The following FASTKD2 variants were observed in gnomAD, a reference collection of about 807,000 sequenced individuals.
FASTKD2 encodes FAST kinase domain-containing protein 2, mitochondrial.
In FASTKD2, 51 loss-of-function variants were observed where a neutral mutation model predicts 63.6. The ratio of observed to expected loss-of-function variants is 0.80; its 90% CI spans 0.64 to 1.01. FASTKD2 has a LOEUF of 1.01. Ranked by LOEUF, FASTKD2 falls within the 50% of genes least tolerant of loss-of-function variation. FASTKD2 has a pLI of 0.00. For missense variants in FASTKD2, 786 were observed against 831.1 expected, an observed-to-expected ratio of 0.95 and a Z score of 0.67; for synonymous variants, 284 against 293.4, an observed-to-expected ratio of 0.97 and a Z score of 0.33.
intron 11 of FASTKD2, 55 bp from the exon 12 acceptor site, chr2:206,791,628 G>A (rs1379746571): frequency 6.4e-7 from 1 of 1,564,096 alleles, no homozygotes; most frequent in Non-Finnish European, 8.8e-7. Flanking sequence ...CTCTAAACTA[G>A]CTCTTTTGTT....
intron 7 of FASTKD2, among the ~76,000 whole-genome samples, chr2:206,782,046 A>G (rs753893762): frequency 5.3e-5 from 8 of 151,934 alleles, no homozygotes; most frequent in Non-Finnish European, 1.2e-4. Context: ...GAAGCTGTCC[A>G]CCCCTTTTCC....
chr2:206,789,801 C>A, intron 10 of FASTKD2: 1 of 152,292 alleles, frequency 6.6e-6, no homozygotes, highest in Non-Finnish European at 1.5e-5. Flanking sequence ...TCTCTCTGAC[C>A]TCATTCCAAG....
chr2:206,788,547 A>G (rs1210596416), intron 9 of FASTKD2, among the ~76,000 whole-genome samples: 1 of 152,034 alleles, frequency 6.6e-6, no homozygotes, highest in Non-Finnish European at 1.5e-5. Flanking sequence ...CAGCCTGACC[A>G]AATGGTAAAA....
In FASTKD2 at chr2:206,766,804, A is replaced by C; in HGVS notation, c.111A>C (p.Thr37=). The change falls in exon 2 of 12, where the codon ACA becomes ACC. Residue 37 remains threonine (T), a synonymous_variant. Coordinates refer to ENST00000402774, the MANE Select transcript of FASTKD2 (RefSeq NM_001136193.2). ...NLRQFSTLVS[T]SRTMRLCCLG... Reference sequence around the variant, plus strand: ...GACAATTCAGTACATTAGTTTCAACAAGCAGAACTATGAGGCTATGTTGTT... The same window carrying C: ...GACAATTCAGTACATTAGTTTCAACCAGCAGAACTATGAGGCTATGTTGTT... 1 of 1,613,224 alleles carries C rather than the reference A, an allele frequency of 6.2e-7. No individual in the cohort carries two copies. The highest frequency in any genetic ancestry group is 8.5e-7 in the Non-Finnish European group (1 of 1,179,470).
intron 7 of FASTKD2, among the ~76,000 whole-genome samples, chr2:206,775,176 G>A (rs1456935431): frequency 6.6e-6 from 1 of 151,902 alleles, no homozygotes; most frequent in African/African-American, 2.4e-5. Context: ...TCCCTATCTT[G>A]GCTATTGCAA....
rs10201220 is a variant in FASTKD2, at chr2:206,772,640, G to A, written c.1254+320G>A. On this transcript the variant is annotated intron_variant, in intron 6 of 11. Coordinates refer to ENST00000402774, the MANE Select transcript of FASTKD2 (RefSeq NM_001136193.2). Reference sequence around the variant, plus strand: ...CTGGGTTAGTGATATGTTGTATGATGCTCTCTTTTCATGCTGAGCAGTGGC... The same window carrying A: ...CTGGGTTAGTGATATGTTGTATGATACTCTCTTTTCATGCTGAGCAGTGGC... Among the ~76,000 whole-genome samples, 151,031 of 152,338 alleles carry A rather than the reference G, an allele frequency of 0.99. 74,883 individuals carry two copies. Among genetic ancestry groups the A allele is most frequent in the East Asian group, 1 (5,180 of 5,180 alleles).
intron 4 of FASTKD2, 135 bp downstream of exon 4, chr2:206,771,425 A>G: frequency 1.5e-6 from 1 of 673,246 alleles, no homozygotes; most frequent in Non-Finnish European, 2.7e-6. Flanking sequence ...GTGAATGAAT[A>G]GAAGTACCCT....
Position 206,766,936 on chromosome 2 carries a change from A to T in FASTKD2, c.243A>T (p.Ala81=). 6.2e-7 allele frequency: 1 copy of T among 1,603,794 alleles called. No homozygotes were observed. Among genetic ancestry groups the T allele is most frequent in the Admixed American group, 1.7e-5 (1 of 58,984 alleles). Residue 81 remains alanine (A), a synonymous_variant, in exon 2 of 12, where the codon GCA becomes GCT. Transcript: ENST00000402774. ...TCATTAGATATCTCTTTCAGGATGC[A>T]TTCATTTTTAAATCAGATGTTGGCT... The part of the protein sequence containing the change: ...TDIIRYLFQD[A]FIFKSDVGFQ...
rs1390288288 is a variant in FASTKD2 at position 206,788,885 on chromosome 2, C to T, written c.1880C>T (p.Ser627Phe). The T allele has an allele frequency of 3.9e-6, 6 of 1,553,574 alleles. No homozygotes were observed. Among genetic ancestry groups the T allele is most frequent in the Admixed American group, 1.7e-5 (1 of 59,940 alleles). ...VLPLSDVDTT[S>F]ATDIQRVAVL... is the part of the protein sequence containing the mutation. Reference sequence around the variant, plus strand: ...CCACTTTCTGATGTGGATACAACTTCTGCTACAGATATTCAAAGGTTGCTT... The same window carrying T: ...CCACTTTCTGATGTGGATACAACTTTTGCTACAGATATTCAAAGGTTGCTT... Residue 627 changes from serine to phenylalanine, a missense_variant, in exon 10 of 12, where the codon TCT becomes TTT. Coordinates refer to ENST00000402774, the MANE Select transcript of FASTKD2 (RefSeq NM_001136193.2).
intron 7 of FASTKD2, among the ~76,000 whole-genome samples, chr2:206,784,761 G>A (rs894096819): frequency 2.0e-5 from 3 of 152,116 alleles, no homozygotes; most frequent in Non-Finnish European, 2.9e-5. Context: ...TGACAAGCTC[G>A]TCCTCCTGTC....
rs1414134353 is a variant in FASTKD2 at position 206,795,421 on chromosome 2, A to G, written c.*3619A>G. On this transcript the variant is annotated 3_prime_UTR_variant, in exon 12 of 12. Transcript: ENST00000402774. ...GCTAATTTTTGTATTTTTAGCAGAA[A>G]CAGGGTTTCACCATGTTAGCCAGGA... 6.6e-6 allele frequency among the ~76,000 whole-genome samples: 1 copy of G among 152,146 alleles called. No homozygotes were observed. Among genetic ancestry groups the G allele is most frequent in the African/African-American group, 2.4e-5 (1 of 41,434 alleles).
rs1690370398 is a variant in FASTKD2 at position 206,793,971 on chromosome 2, C to T, written c.*2169C>T. Among the ~76,000 whole-genome samples the T allele has an allele frequency of 6.6e-6, 1 of 152,154 alleles. No homozygotes were observed. Among genetic ancestry groups the T allele is most frequent in the Non-Finnish European group, 1.5e-5 (1 of 68,040 alleles). On this transcript the variant is annotated 3_prime_UTR_variant, in exon 12 of 12. Transcript: ENST00000402774. ...ATAATGAGGCAAGCACTTGCATAAG[C>T]TGTTGGTAGACTGTAAATTAATACC... is the stretch of plus-strand genomic sequence containing the variant.
chr2:206,779,150 T>G (rs1689901521), intron 7 of FASTKD2, among the ~76,000 whole-genome samples: 1 of 152,234 alleles, frequency 6.6e-6, no homozygotes, highest in African/African-American at 2.4e-5. Context: ...TTTGTCCTTG[T>G]GACAATTTTT....
chr2:206,778,238 G>T (rs746644931), intron 7 of FASTKD2, among the ~76,000 whole-genome samples: 1 of 150,714 alleles, frequency 6.6e-6, no homozygotes, highest in Non-Finnish European at 1.5e-5. Flanking sequence ...GTAAATTTAG[G>T]TTTTTTATTT....
intron 7 of FASTKD2, among the ~76,000 whole-genome samples, chr2:206,778,107 TC>T (rs1689872384): frequency 6.6e-6 from 1 of 152,084 alleles, no homozygotes; most frequent in African/African-American, 2.4e-5. Context: ...ACCCAAGTCT[TC>T]GTTTTGTTGG....
At chr2:206,775,252 T>C (rs1305609971) in intron 7 of FASTKD2, among the ~76,000 whole-genome samples, 1 of 152,022 alleles carries the variant, frequency 6.6e-6, no homozygotes, top group East Asian at 1.9e-4. Flanking sequence ...TTCTTATGAA[T>C]TGAAATATAT....
chr2:206,769,980 G>T (rs1689624645), intron 2 of FASTKD2, 111 bp from the exon 3 acceptor site: 1 of 744,902 alleles, frequency 1.3e-6, no homozygotes, highest in South Asian at 1.4e-5. Context: ...GGAATTGTTG[G>T]TTTGATACTC....
intron 10 of FASTKD2, chr2:206,790,168 A>T (rs1690244408): frequency 6.3e-6 from 1 of 158,182 alleles, no homozygotes; most frequent in Non-Finnish European, 1.4e-5. Flanking sequence ...TTTCTCTGGG[A>T]GATGATATGT....
chr2:206,771,814 G>T, intron 4 of FASTKD2, 80 bp from the exon 5 acceptor site: 3 of 1,165,540 alleles, frequency 2.6e-6, no homozygotes, highest in South Asian at 2.6e-5. Flanking sequence ...GACAGCACAA[G>T]ACCCTGTCTC....
Sources: gnomAD v4.1 joint callset for allele counts (sites outside exome capture counted in the v4.1 genomes callset) on GRCh38, gnomAD v4.1.1 for gene constraint, MANE v1.5 for transcripts, NCBI Gene and HGNC (gene_info 2026-07-23, HGNC 2026-07-21) for gene names.